Variants in MEIS1 observed in about 807,000 individuals in gnomAD.
The protein encoded by MEIS1 is Meis homeobox 1, also known as homeobox protein Meis1.
MEIS1 carries 5 observed loss-of-function variants against 50.8 expected under a neutral mutation model. That is an observed-to-expected ratio of 0.10 (90% CI 0.05 to 0.21). The LOEUF (loss-of-function observed/expected upper bound fraction) is 0.21, where lower values mean the gene tolerates loss of function less well. Ranked by LOEUF, MEIS1 falls within the 10% of genes least tolerant of loss-of-function variation. The pLI is 1.00. For missense variants in MEIS1, 318 were observed against 517.3 expected (o/e 0.61, Z 3.74); for synonymous variants, 176 against 179.3 (o/e 0.98, Z 0.15).
At chr2:66,563,177 C>T (rs1229198296) in intron 9 of MEIS1, among the ~76,000 whole-genome samples, 1 of 152,220 alleles carries the variant, frequency 6.6e-6, no homozygotes, top group Admixed American at 6.5e-5. Context: ...CATCTTTAAA[C>T]TAACATACTT....
At chr2:66,484,509 T>A (rs1673089562) in intron 7 of MEIS1, among the ~76,000 whole-genome samples, 1 of 152,270 alleles carries the variant, frequency 6.6e-6, no homozygotes, top group East Asian at 1.9e-4. Context: ...TCAAACATGA[T>A]CCCATTCCTT....
intron 9 of MEIS1, among the ~76,000 whole-genome samples, chr2:66,560,291 T>C (rs912366176): frequency 6.6e-6 from 1 of 152,006 alleles, no homozygotes. Context: ...TTTCACAAGC[T>C]GCTTTAAAGA....
chr2:66,480,788 T>A (rs1672997404), intron 7 of MEIS1, among the ~76,000 whole-genome samples: 1 of 152,226 alleles, frequency 6.6e-6, no homozygotes, highest in Non-Finnish European at 1.5e-5. Context: ...CTCATTTCTC[T>A]ACTTGTGCAT....
intron 9 of MEIS1, among the ~76,000 whole-genome samples, chr2:66,560,025 G>C (rs569482983): frequency 1.1e-4 from 16 of 150,832 alleles, no homozygotes; most frequent in Non-Finnish European, 2.2e-4. Flanking sequence ...TTATACTCCA[G>C]GCTCAAATGA....
intron 7 of MEIS1, among the ~76,000 whole-genome samples, chr2:66,464,508 C>T (rs1672590626): frequency 6.6e-6 from 1 of 152,210 alleles, no homozygotes; most frequent in South Asian, 2.1e-4. Flanking sequence ...GTATGCCATT[C>T]ATACCCTGCT....
At chr2:66,547,430 ATGTGTG>A (rs150125920) in intron 8 of MEIS1, among the ~76,000 whole-genome samples, 1 of 150,928 alleles carries the variant, frequency 6.6e-6, no homozygotes, top group African/African-American at 2.4e-5. Flanking sequence ...TGAATAGTGT[ATGTGTG>A]TGTGTGTGTG....
At chr2:66,446,730 A>C (rs11883967) in intron 6 of MEIS1, among the ~76,000 whole-genome samples, 88,540 of 152,076 alleles carry the variant, frequency 0.58, 26,595 homozygotes, top group South Asian at 0.73. Context: ...GGAACCAGAG[A>C]GCCACGCTCG....
At chr2:66,467,767 T>G (rs1018094019) in intron 7 of MEIS1, among the ~76,000 whole-genome samples, 1 of 152,220 alleles carries the variant, frequency 6.6e-6, no homozygotes, top group Non-Finnish European at 1.5e-5. Context: ...ACCCTTTTTA[T>G]GATATCTACT....
intron 6 of MEIS1, among the ~76,000 whole-genome samples, chr2:66,447,044 C>T (rs946451889): frequency 7.9e-5 from 12 of 152,246 alleles, no homozygotes; most frequent in Admixed American, 6.5e-4. Context: ...TTTAAGCTTT[C>T]TCTTTAAGGG....
At chr2:66,519,040 C>T (rs1212474112) in intron 8 of MEIS1, among the ~76,000 whole-genome samples, 3 of 152,194 alleles carry the variant, frequency 2.0e-5, no homozygotes, top group Admixed American at 2.0e-4. Flanking sequence ...TATGTCCCTA[C>T]CCCTGCCATC....
chr2:66,454,755 G>T lies in MEIS1; in HGVS notation c.631-9354G>T, dbSNP rs191365663. On this transcript the variant is annotated intron_variant, in intron 6 of 12. Coordinates refer to ENST00000272369, the MANE Select transcript of MEIS1 (RefSeq NM_002398.3). Reference sequence around the variant, plus strand: ...GTTACGGATGTAAAATAAAACACTGGGAAGCAAACAGTCTTATAAAGAGGA... The same window carrying T: ...GTTACGGATGTAAAATAAAACACTGTGAAGCAAACAGTCTTATAAAGAGGA... 204 of 152,124 alleles carry T rather than the reference G, an allele frequency of 1.3e-3. 1 individual carries two copies. The highest frequency in any genetic ancestry group is 4.7e-3 in the African/African-American group (195 of 41,534). The allele number at this position is 152,124 out of a possible 1,614,324, so 9.4% of individuals were successfully genotyped here. A position where few individuals can be genotyped will look rare whatever the true frequency, so the allele number is the denominator to read the frequency against.
intron 7 of MEIS1, among the ~76,000 whole-genome samples, chr2:66,491,279 G>A (rs913757797): frequency 6.6e-6 from 1 of 152,178 alleles, no homozygotes; most frequent in Non-Finnish European, 1.5e-5. Context: ...TTCTCACATT[G>A]GCCCTTTGGC....
chr2:66,477,342 A>G (rs1382089071), intron 7 of MEIS1, among the ~76,000 whole-genome samples: 1 of 152,180 alleles, frequency 6.6e-6, no homozygotes, highest in African/African-American at 2.4e-5. Flanking sequence ...GATGATGCCA[A>G]GGTTTCAGAA....
chr2:66,473,397 A>AAAAAAATATATATATATATATATAT, intron 7 of MEIS1, among the ~76,000 whole-genome samples: 1 of 107,596 alleles, frequency 9.3e-6, no homozygotes, highest in East Asian at 2.3e-4. Context: ...AAAAAAAAAA[A>AAAAAAATATATATATATATATATAT]ATATATATAT....
chr2:66,529,325 A>G lies in MEIS1; in HGVS notation c.888+17031A>G, dbSNP rs1326277878. On this transcript the variant is annotated intron_variant, in intron 8 of 12. Transcript: ENST00000272369. ...GACCAAAGCAATGAGTACAGTTGCA[A>G]AACAGAAATGACCAAACTCTGGGAG... Among the ~76,000 whole-genome samples, 4 of 152,356 alleles carry G rather than the reference A, an allele frequency of 2.6e-5. No homozygotes were observed. In the East Asian group the frequency reaches 7.7e-4, roughly 29 times the overall value.
chr2:66,445,497 G>A (rs1231112559), intron 6 of MEIS1, among the ~76,000 whole-genome samples: 1 of 152,236 alleles, frequency 6.6e-6, no homozygotes, highest in East Asian at 1.9e-4. Context: ...CCTGGGGGCC[G>A]GGCAGGAAGG....
chr2:66,539,291 A>G (rs961640687), intron 8 of MEIS1, among the ~76,000 whole-genome samples: 24 of 152,214 alleles, frequency 1.6e-4, no homozygotes, highest in Admixed American at 1.6e-3. Context: ...TCTGACTTAC[A>G]GCAAGATTGA....
chr2:66,543,249 G>C (rs1674699221), intron 8 of MEIS1, among the ~76,000 whole-genome samples: 1 of 152,068 alleles, frequency 6.6e-6, no homozygotes, highest in Non-Finnish European at 1.5e-5. Flanking sequence ...CCTACCCTAA[G>C]GATCATTTTA....
At chr2:66,537,830 G>A (rs1257580951) in intron 8 of MEIS1, among the ~76,000 whole-genome samples, 1 of 152,174 alleles carries the variant, frequency 6.6e-6, no homozygotes, top group Non-Finnish European at 1.5e-5. Context: ...CCTTTTAGCT[G>A]ACGTGCTCTC....
Sources: allele counts gnomAD v4.1 joint callset (sites outside exome capture counted in the v4.1 genomes callset), GRCh38; gene constraint gnomAD v4.1.1; transcripts MANE v1.5; gene names NCBI Gene and HGNC (gene_info 2026-07-23, HGNC 2026-07-21).